The following EFCAB6 variants were observed in gnomAD, a reference collection of about 807,000 sequenced individuals.
EFCAB6 encodes the protein EF-hand calcium-binding domain-containing protein 6.
In EFCAB6, 156 loss-of-function variants were observed where a neutral mutation model predicts 169.8. That is an observed-to-expected ratio of 0.92 (90% confidence interval 0.81 to 1.05). The LOEUF (loss-of-function observed/expected upper bound fraction) is 1.05, where lower values mean the gene tolerates loss of function less well. Among genes scored for constraint, EFCAB6 ranks in the 50% least tolerant of loss-of-function variants. EFCAB6 has a pLI of 0.00. For missense variants in EFCAB6, 1,800 were observed against 1,829.1 expected, an observed-to-expected ratio of 0.98 and a Z score of 0.29; for synonymous variants, 698 against 676.4, an observed-to-expected ratio of 1.03 and a Z score of -0.50.
intron 17 of EFCAB6, among the ~76,000 whole-genome samples, chr22:43,657,130 A>G (rs1297357622): frequency 6.6e-6 from 1 of 151,834 alleles, no homozygotes; most frequent in Non-Finnish European, 1.5e-5. Context: ...TTTCTACAAA[A>G]AAAACCCCAC....
At chr22:43,657,074 G>C (rs558197175) in intron 17 of EFCAB6, among the ~76,000 whole-genome samples, 2 of 152,210 alleles carry the variant, frequency 1.3e-5, no homozygotes, top group Non-Finnish European at 2.9e-5. Context: ...CAGATCCTTT[G>C]AGCCCAGGAG....
chr22:43,565,213 T>C (rs1406249050), intron 26 of EFCAB6, among the ~76,000 whole-genome samples: 1 of 152,204 alleles, frequency 6.6e-6, no homozygotes, highest in African/African-American at 2.4e-5. Context: ...GCTCTGGCCA[T>C]CACACAGGAC....
intron 6 of EFCAB6, among the ~76,000 whole-genome samples, chr22:43,746,558 AC>A (rs1383103060): frequency 1.1e-4 from 17 of 152,238 alleles, no homozygotes; most frequent in African/African-American, 3.9e-4. Flanking sequence ...AACTCTAGCT[AC>A]CCATTGAGCT....
chr22:43,625,657 TA>T (rs1199444536), intron 20 of EFCAB6, among the ~76,000 whole-genome samples: 1 of 152,190 alleles, frequency 6.6e-6, no homozygotes, highest in Non-Finnish European at 1.5e-5. Context: ...GGCAGGGGCC[TA>T]GGGGGCAGCA....
chr22:43,747,887 A>G (rs916093297), intron 6 of EFCAB6, among the ~76,000 whole-genome samples: 1 of 152,196 alleles, frequency 6.6e-6, no homozygotes, highest in Non-Finnish European at 1.5e-5. Context: ...AGTATGAGCA[A>G]CTTGTATCAC....
chr22:43,663,970 G>A (rs2057126604), intron 17 of EFCAB6, among the ~76,000 whole-genome samples: 1 of 152,244 alleles, frequency 6.6e-6, no homozygotes, highest in Admixed American at 6.5e-5. Context: ...CTAAGGCAAA[G>A]TCCTTGCTGG....
At chr22:43,711,672 T>C (rs1169467634) in intron 9 of EFCAB6, 49 bp from the exon 10 acceptor site, 2 of 1,557,276 alleles carry the variant, frequency 1.3e-6, no homozygotes, top group Admixed American at 2.4e-5. Flanking sequence ...ATCAACTTCA[T>C]GGAGCTATTC....
intron 19 of EFCAB6, 58 bp downstream of exon 19, chr22:43,632,047 G>T: frequency 6.3e-7 from 1 of 1,592,716 alleles, no homozygotes; most frequent in Non-Finnish European, 8.6e-7. Flanking sequence ...CACTTGGGCT[G>T]CGTGGTTGGG....
Position 43,716,746 on chromosome 22 carries a change from G to A in EFCAB6, c.882+102C>T, listed in dbSNP as rs548823959. The A allele has an allele frequency of 1.9e-3, 2,750 of 1,421,492 alleles. 19 individuals are homozygous for A. Among genetic ancestry groups the A allele is most frequent in the Non-Finnish European group, 2.0e-3 (2,119 of 1,079,462 alleles). The allele number at this position is 1,421,492 out of a possible 1,614,324, so 88.1% of individuals were successfully genotyped here. Reference sequence around the variant, plus strand: ...TATTGGAGAAGACATAGGTAGGATCGAAACAAATTTTAGAAATAATGTGTA... The same window carrying A: ...TATTGGAGAAGACATAGGTAGGATCAAAACAAATTTTAGAAATAATGTGTA... On this transcript the variant is annotated intron_variant, in intron 9 of 31. Transcript: ENST00000262726.
intron 13 of EFCAB6, 87 bp downstream of exon 13, chr22:43,677,909 C>A: frequency 2.3e-5 from 30 of 1,308,572 alleles, no homozygotes; most frequent in East Asian, 2.5e-5. Context: ...TTTATTTAAA[C>A]CATATTTCAC....
At chr22:43,629,323 T>C (rs979519310) in intron 19 of EFCAB6, among the ~76,000 whole-genome samples, 3 of 152,222 alleles carry the variant, frequency 2.0e-5, no homozygotes, top group African/African-American at 7.2e-5. Flanking sequence ...GACGGTGCCA[T>C]GTACTAGAGG....
intron 13 of EFCAB6, among the ~76,000 whole-genome samples, chr22:43,675,317 T>TACTATAATATATAATATAA (rs1569362103): frequency 2.6e-5 from 1 of 38,504 alleles, no homozygotes; most frequent in African/African-American, 7.6e-5. Flanking sequence ...TTATAGTATA[T>TACTATAATATATAATATAA]TATACTATAA....
chr22:43,662,276 C>A (rs983516189), intron 17 of EFCAB6, among the ~76,000 whole-genome samples: 1 of 152,082 alleles, frequency 6.6e-6, no homozygotes, highest in East Asian at 1.9e-4. Context: ...AGCAACAATG[C>A]AGGGACTTGG....
At chr22:43,776,285 G>A (rs2061637016) in intron 3 of EFCAB6, among the ~76,000 whole-genome samples, 1 of 152,178 alleles carries the variant, frequency 6.6e-6, no homozygotes, top group Non-Finnish European at 1.5e-5. Flanking sequence ...AAGTGGAATT[G>A]ATTCATTCGA....
intron 17 of EFCAB6, among the ~76,000 whole-genome samples, chr22:43,650,973 G>A (rs548160988): frequency 6.6e-6 from 1 of 152,212 alleles, no homozygotes; most frequent in Non-Finnish European, 1.5e-5. Flanking sequence ...TCAGTTTTAT[G>A]AGGGAAGCAG....
At chr22:43,723,102 G>T (rs1270971123) in intron 8 of EFCAB6, among the ~76,000 whole-genome samples, 1 of 152,186 alleles carries the variant, frequency 6.6e-6, no homozygotes, top group Non-Finnish European at 1.5e-5. Flanking sequence ...AAGAGAACTA[G>T]AATTAAAAGT....
At chr22:43,787,647 C>T (rs892159103) in intron 2 of EFCAB6, among the ~76,000 whole-genome samples, 1 of 152,090 alleles carries the variant, frequency 6.6e-6, no homozygotes, top group Non-Finnish European at 1.5e-5. Flanking sequence ...GATAAGATGG[C>T]AATACTCTCC....
At chr22:43,783,636 A>G (rs571428257) in intron 2 of EFCAB6, among the ~76,000 whole-genome samples, 251 of 152,348 alleles carry the variant, frequency 1.6e-3, no homozygotes, top group African/African-American at 5.9e-3. Context: ...GTGGCCATAT[A>G]TAACAAAGAA....
intron 17 of EFCAB6, among the ~76,000 whole-genome samples, chr22:43,655,115 G>C (rs1176364349): frequency 6.6e-6 from 1 of 152,032 alleles, no homozygotes; most frequent in Non-Finnish European, 1.5e-5. Context: ...AAATTAGCTG[G>C]GCGTGGTGGC....
Sources: gnomAD v4.1 joint callset for allele counts (sites outside exome capture counted in the v4.1 genomes callset) on GRCh38, gnomAD v4.1.1 for gene constraint, MANE v1.5 for transcripts, NCBI Gene and HGNC (gene_info 2026-07-23, HGNC 2026-07-21) for gene names.